Variants in GPC1 observed in about 807,000 individuals in gnomAD.
The protein encoded by GPC1 is glypican 1.
A neutral mutation model predicts 51.5 loss-of-function variants in GPC1; 26 were observed. The ratio of observed to expected loss-of-function variants is 0.50; its 90% CI spans 0.37 to 0.70. The LOEUF (loss-of-function observed/expected upper bound fraction) is 0.70. Ranked by LOEUF, GPC1 falls within the 30% of genes least tolerant of loss-of-function variation. The pLI, the probability that GPC1 is intolerant of heterozygous loss-of-function variation, is 0.00. For missense variants in GPC1, 775 were observed against 800.5 expected, an observed-to-expected ratio of 0.97 and a Z score of 0.38; for synonymous variants, 380 against 348.3, an observed-to-expected ratio of 1.09 and a Z score of -1.01.
At chr2:240,449,677 T>G in intron 1 of GPC1, 1 of 351,008 alleles carries the variant, frequency 2.8e-6, no homozygotes, top group Non-Finnish European at 5.7e-6. Flanking sequence ...CTTGTAAAAC[T>G]GAAACTCTGT....
At chr2:240,457,802 A>G (rs2074181475) in intron 1 of GPC1, among the ~76,000 whole-genome samples, 1 of 152,154 alleles carries the variant, frequency 6.6e-6, no homozygotes, top group Non-Finnish European at 1.5e-5. Context: ...AAAAGAATGC[A>G]GGACCTGCTG....
chr2:240,459,932 C>T (rs564769972), intron 2 of GPC1, among the ~76,000 whole-genome samples: 9 of 152,134 alleles, frequency 5.9e-5, no homozygotes, highest in South Asian at 2.1e-4. Context: ...CCCCTGTGTC[C>T]GGGCGGAGCC....
chr2:240,455,723 C>T (rs561500419), intron 1 of GPC1, among the ~76,000 whole-genome samples: 1 of 152,192 alleles, frequency 6.6e-6, no homozygotes, highest in Non-Finnish European at 1.5e-5. Context: ...TTCAGAAAGG[C>T]CCCAGCCCCT....
chr2:240,445,825 T>G (rs1283682436), intron 1 of GPC1, among the ~76,000 whole-genome samples: 4 of 152,188 alleles, frequency 2.6e-5, no homozygotes, highest in African/African-American at 7.2e-5. Flanking sequence ...GCAGACAGCT[T>G]GGAAAACGGC....
Position 240,463,417 on chromosome 2 carries a change from C to T in GPC1, c.788C>T (p.Pro263Leu). The T allele has an allele frequency of 6.2e-7, 1 of 1,612,750 alleles. No individual in the cohort carries two copies. Among genetic ancestry groups the T allele is most frequent in the Non-Finnish European group, 8.5e-7 (1 of 1,179,742 alleles). The change falls in exon 4 of 9, where the codon CCC (proline) becomes CTC (leucine). Residue 263 changes from proline to leucine, a missense_variant. By Grantham distance (98) the Pro-to-Leu change is moderately conservative (BLOSUM62 -3). Coordinates refer to ENST00000264039, the MANE Select transcript of GPC1 (RefSeq NM_002081.3). The stretch of plus-strand genomic sequence containing the variant: ...TACTGTGCTCACTGCCTGGGAGTCC[C>T]CGGCGCCAGGCCCTGCCCTGACTAT... ...LVYCAHCLGV[P>L]GARPCPDYCR...
At chr2:240,452,733 G>A (rs1229144083) in intron 1 of GPC1, 1 of 150,616 alleles carries the variant, frequency 6.6e-6, no homozygotes, top group Admixed American at 6.6e-5. Flanking sequence ...GGGAGACGGG[G>A]GCGGTGCCGA....
At chr2:240,460,631 G>A (rs553336091) in intron 2 of GPC1, among the ~76,000 whole-genome samples, 19 of 152,264 alleles carry the variant, frequency 1.2e-4, no homozygotes, top group East Asian at 1.9e-4. Context: ...GTGCCCTGCC[G>A]CCGCCCTCCC....
intron 1 of GPC1, chr2:240,452,050 G>C (rs1489996464): frequency 6.5e-6 from 1 of 153,326 alleles, no homozygotes; most frequent in East Asian, 1.9e-4. Context: ...TGCGGCCAGA[G>C]GGGAACTGGT....
In GPC1 at chr2:240,462,407, A is replaced by T; in HGVS notation, c.542A>T (p.Gln181Leu). The T allele has an allele frequency of 3.1e-6, 5 of 1,601,216 alleles. No homozygotes were observed. Among genetic ancestry groups the T allele is most frequent in the East Asian group, 2.3e-5 (1 of 44,158 alleles). Residue 181 changes from glutamine to leucine, a missense_variant, in exon 3 of 9, where the codon CAG (glutamine) becomes CTG (leucine). Transcript: ENST00000264039. ...LERLFKQLHP[Q>L]LLLPDDYLDC... is the part of the protein sequence containing the mutation. ...CGCCTCTTCAAGCAGCTGCACCCCC[A>T]GCTGCTGCTGCCTGATGACTACCTG...
In GPC1 at chr2:240,439,909, TC is replaced by T. The variant is rs1233094228; in HGVS notation, c.166+3827del. On this transcript the variant is annotated intron_variant, in intron 1 of 8. Transcript: ENST00000264039. Reference sequence around the variant, plus strand: ...CGAGCGGAGCCCAGGGGAGCCCTGATCCGACAGGGCCACCTGCGTGATGCAA... The same window carrying T: ...CGAGCGGAGCCCAGGGGAGCCCTGATCGACAGGGCCACCTGCGTGATGCAA... 3.9e-5 allele frequency among the ~76,000 whole-genome samples: 6 copies of T among 152,290 alleles called. No individual in the cohort carries two copies. In the East Asian group the frequency reaches 1.2e-3, roughly 29 times the overall value.
In GPC1 at chr2:240,462,379, G is replaced by A. The variant is rs376762179; in HGVS notation, c.514G>A (p.Glu172Lys). ...GGCCGAGTTCTGGGCCCGCCTGCTC[G>A]AGCGCCTCTTCAAGCAGCTGCACCC... ...TLAEFWARLL[E>K]RLFKQLHPQL... The change falls in exon 3 of 9, where the codon GAG becomes AAG. Residue 172 changes from glutamate (E) to lysine (K), a missense_variant. Glu to Lys is a moderately conservative substitution (Grantham distance 56). Transcript: ENST00000264039. 26 of 1,593,650 alleles carry A rather than the reference G, an allele frequency of 1.6e-5. No individual in the cohort carries two copies. Among genetic ancestry groups the A allele is most frequent in the African/African-American group, 8.1e-5 (6 of 74,436 alleles).
Position 240,464,494 on chromosome 2 carries a change from CAT to C in GPC1, c.884-121_884-120del, listed in dbSNP as rs2074243237. The C allele has an allele frequency of 2.2e-6, 3 of 1,335,522 alleles. No individual in the cohort carries two copies. In the African/African-American group the frequency reaches 4.3e-5, roughly 19 times the overall value. 82.7% of individuals were successfully genotyped at this position (1,335,522 alleles called of 1,614,324 possible). A position where few individuals can be genotyped will look rare whatever the true frequency, so the allele number is the denominator to read the frequency against. On this transcript the variant is annotated intron_variant, in intron 4 of 8. Coordinates refer to ENST00000264039, the MANE Select transcript of GPC1 (RefSeq NM_002081.3). Reference sequence around the variant, plus strand: ...ACCTGAGTGCACACGTGGGATCTCCCATGCTGACCCGTGCTGTCAAGACTGCA... The same window carrying C: ...ACCTGAGTGCACACGTGGGATCTCCCGCTGACCCGTGCTGTCAAGACTGCA...
At chr2:240,451,230 C>T (rs748365659) in intron 1 of GPC1, 5 of 471,080 alleles carry the variant, frequency 1.1e-5, no homozygotes, top group Non-Finnish European at 2.2e-5. Flanking sequence ...ATGTGTGTCT[C>T]TGCCTGGTTG....
intron 5 of GPC1, 32 bp downstream of exon 5, chr2:240,464,778 G>A (rs750655387): frequency 2.3e-5 from 36 of 1,586,340 alleles, no homozygotes; most frequent in African/African-American, 4.0e-5. Context: ...GAGCACAGCG[G>A]GGTGGGGGTC....
intron 1 of GPC1, chr2:240,449,993 A>T: frequency 2.2e-6 from 1 of 455,086 alleles, no homozygotes; most frequent in Non-Finnish European, 4.5e-6. Flanking sequence ...GCTCTGGTGA[A>T]TAATGCTGTG....
chr2:240,468,039 CT>C lies in GPC1; in HGVS notation c.*1753del, dbSNP rs1221316673. 1 of 152,432 alleles carries C rather than the reference CT, an allele frequency of 6.6e-6. No homozygotes were observed. The highest frequency in any genetic ancestry group is 2.1e-4 in the South Asian group (1 of 4,832). The allele number at this position is 152,432 out of a possible 1,614,324, so 9.4% of individuals were successfully genotyped here. ...TCAGTGTCAGCGGGTGACGTGTGTT[CT>C]TTTGAGTCCTTGTATGAATAAAAGG... On this transcript the variant is annotated 3_prime_UTR_variant, in exon 9 of 9. Transcript: ENST00000264039.
At chr2:240,456,104 C>T (rs971808560) in intron 1 of GPC1, 4 of 286,572 alleles carry the variant, frequency 1.4e-5, no homozygotes, top group South Asian at 8.0e-5. Flanking sequence ...CGCAGGTCGC[C>T]GGGCCGGCTG....
Position 240,462,716 on chromosome 2 carries a change from C to T in GPC1, c.717+134C>T, listed in dbSNP as rs2074227411. 10 of 744,364 alleles carry T rather than the reference C, an allele frequency of 1.3e-5. 1 individual carries two copies. The South Asian group carries it at 2.1e-4, about 15-fold the overall frequency. The allele number at this position is 744,364 out of a possible 1,614,324, so 46.1% of individuals were successfully genotyped here. A position where few individuals can be genotyped will look rare whatever the true frequency, so the allele number is the denominator to read the frequency against. On this transcript the variant is annotated intron_variant, in intron 3 of 8. Transcript: ENST00000264039. The stretch of plus-strand genomic sequence containing the variant: ...CAGCCTCTGACCTCAGCCCCACAGC[C>T]TCAGTCCCTCCTGCATTGGCTGCTG...
In GPC1 at chr2:240,448,070, C is replaced by T. The variant is rs1278992371; in HGVS notation, c.167-10960C>T. Among the ~76,000 whole-genome samples the T allele has an allele frequency of 2.6e-5, 4 of 152,098 alleles. No individual in the cohort carries two copies. Among genetic ancestry groups the T allele is most frequent in the Non-Finnish European group, 4.4e-5 (3 of 68,010 alleles). On this transcript the variant is annotated intron_variant, in intron 1 of 8. Transcript: ENST00000264039. This position sits in a 1 kb window ranked among gnomAD's most constrained non-coding sequence, Gnocchi z 4.5. Reference sequence around the variant, plus strand: ...CAGGGCACAGTGACAGTGGAACGGCCGGAGGCGCTCTCGAGCCCGCCTTGA... The same window carrying T: ...CAGGGCACAGTGACAGTGGAACGGCTGGAGGCGCTCTCGAGCCCGCCTTGA...
Sources: allele counts gnomAD v4.1 joint callset (sites outside exome capture counted in the v4.1 genomes callset), GRCh38; gene constraint gnomAD v4.1.1; non-coding constraint Gnocchi (gnomAD v3.1); transcripts MANE v1.5; gene names NCBI Gene and HGNC (gene_info 2026-07-23, HGNC 2026-07-21).